The following ESYT3 variants were observed in gnomAD, a reference collection of about 807,000 sequenced individuals.
The protein encoded by ESYT3 is extended synaptotagmin-3.
Under a neutral mutation model 111.5 loss-of-function variants are expected in ESYT3, and 101 were observed. The observed-to-expected ratio is 0.91, with a 90% CI of 0.77 to 1.07. The LOEUF (loss-of-function observed/expected upper bound fraction) is 1.07. ESYT3 is among the 50% of genes least tolerant of loss of function. The pLI is 0.00. For missense variants in ESYT3, 1,097 were observed against 1,109.4 expected (o/e 0.99, Z 0.16); for synonymous variants, 416 against 446.8 (o/e 0.93, Z 0.87).
At chr3:138,457,720 AG>A in intron 4 of ESYT3, 76 bp downstream of exon 4, 1 of 1,349,278 alleles carries the variant, frequency 7.4e-7, no homozygotes, top group Non-Finnish European at 1.1e-6. Context: ...AAGATGGAGT[AG>A]TATATATATA....
intron 10 of ESYT3, among the ~76,000 whole-genome samples, chr3:138,466,933 T>C (rs570273620): frequency 3.3e-5 from 5 of 152,142 alleles, no homozygotes; most frequent in African/African-American, 1.2e-4. Flanking sequence ...ATGAGCTCAT[T>C]ACTGTGGGGA....
chr3:138,450,172 G>C (rs1246165824), intron 1 of ESYT3, among the ~76,000 whole-genome samples: 1 of 152,224 alleles, frequency 6.6e-6, no homozygotes, highest in African/African-American at 2.4e-5. Flanking sequence ...AAAAGGTAAA[G>C]GTGGTTGGAT....
At chr3:138,472,294 C>A in intron 17 of ESYT3, 69 bp from the exon 18 acceptor site, 2 of 1,552,126 alleles carry the variant, frequency 1.3e-6, no homozygotes, top group Non-Finnish European at 1.7e-6. Context: ...AAAGGGGGAA[C>A]GGGAAACAAT....
intron 1 of ESYT3, among the ~76,000 whole-genome samples, chr3:138,442,574 A>G (rs1308343065): frequency 7.9e-5 from 12 of 152,158 alleles, no homozygotes; most frequent in Non-Finnish European, 1.5e-4. Context: ...ACTCTTGTCC[A>G]TGGGCTCCTA....
intron 2 of ESYT3, among the ~76,000 whole-genome samples, chr3:138,454,449 T>C (rs1285309939): frequency 6.6e-6 from 1 of 151,676 alleles, no homozygotes; most frequent in African/African-American, 2.4e-5. Context: ...TCTCAGCTAC[T>C]TGGGAGGCTG....
At position 138,470,925 on chromosome 3, in the gene ESYT3, CT is replaced by C; in HGVS notation, c.1640del (p.Leu547ArgfsTer29). ...TGCTCTGGGAATGCTGGAGGTCCCC[CT>C]GTGCCAGATCCTCCCCTATGCTGAC... The part of the protein sequence containing the change: ...ECALGMLEVP[L>X]CQILPYADLT... On this transcript the variant is annotated frameshift_variant, in exon 17 of 23. Coordinates refer to ENST00000389567, the MANE Select transcript of ESYT3 (RefSeq NM_031913.5). LOFTEE classifies it high-confidence loss of function. The C allele has an allele frequency of 6.2e-7, 1 of 1,614,156 alleles. No individual in the cohort carries two copies. The highest frequency in any genetic ancestry group is 8.5e-7 in the Non-Finnish European group (1 of 1,180,028).
chr3:138,472,988 A>G, intron 18 of ESYT3, 129 bp downstream of exon 18: 1 of 1,506,522 alleles, frequency 6.6e-7, no homozygotes, highest in Non-Finnish European at 8.8e-7. Flanking sequence ...CCTAAGAGGC[A>G]GCATGGTGTG....
rs375698519 is a variant in ESYT3 at position 138,465,455 on chromosome 3, C to T, written c.1169+34C>T. 4.0e-4 allele frequency: 609 copies of T among 1,534,916 alleles called. 7 individuals carry two copies. The South Asian group carries it at 6.8e-3, about 17-fold the overall frequency. On this transcript the variant is annotated intron_variant, in intron 10 of 22. Transcript: ENST00000389567. ...GAGGGCGCACAGCTGGGCCTGGAGG[C>T]AGCCTTCCCTCCCTGCGGGGTGCTG...
At chr3:138,447,988 C>G (rs2031655730) in intron 1 of ESYT3, among the ~76,000 whole-genome samples, 1 of 151,836 alleles carries the variant, frequency 6.6e-6, no homozygotes, top group Non-Finnish European at 1.5e-5. Context: ...GAATCGGCGG[C>G]CGGGTGTGGT....
At chr3:138,437,382 G>A (rs2030793176) in intron 1 of ESYT3, among the ~76,000 whole-genome samples, 1 of 152,212 alleles carries the variant, frequency 6.6e-6, no homozygotes, top group South Asian at 2.1e-4. Context: ...AGACTCGCCT[G>A]GCTGGCTTGT....
chr3:138,447,118 TAAATC>T (rs2031597265), intron 1 of ESYT3, among the ~76,000 whole-genome samples: 1 of 152,340 alleles, frequency 6.6e-6, no homozygotes, highest in Admixed American at 6.5e-5. Flanking sequence ...AGGAAGTAGA[TAAATC>T]AACAGTTGTG....
intron 22 of ESYT3, 29 bp downstream of exon 22, chr3:138,476,521 T>C (rs1440171552): frequency 1.2e-6 from 2 of 1,608,100 alleles, no homozygotes; most frequent in South Asian, 2.2e-5. Context: ...TTTATCACTG[T>C]TATCCTGCTA....
rs1248624601 is a variant in ESYT3, at chr3:138,470,089, G to A, written c.1533G>A (p.Trp511Ter). The change falls in exon 16 of 23, where the codon TGG becomes TGA. Residue 511 changes from tryptophan to a stop codon, truncating the protein, a stop_gained. Transcript: ENST00000389567. LOFTEE classifies it high-confidence loss of function. ...KTCPHNKDPV[W>*]SQVFSFFVHN... is the part of the protein sequence containing the mutation. Reference sequence around the variant, plus strand: ...GTCCCCACAACAAGGACCCTGTGTGGAGCCAGGTGTTCTCCTTCTTTGTGC... The same window carrying A: ...GTCCCCACAACAAGGACCCTGTGTGAAGCCAGGTGTTCTCCTTCTTTGTGC... The A allele has an allele frequency of 6.2e-7, 1 of 1,613,210 alleles. No individual in the cohort carries two copies. Among genetic ancestry groups the A allele is most frequent in the African/African-American group, 1.3e-5 (1 of 75,024 alleles).
At chr3:138,452,410 C>T (rs2032003230) in intron 2 of ESYT3, among the ~76,000 whole-genome samples, 1 of 152,208 alleles carries the variant, frequency 6.6e-6, no homozygotes, top group Non-Finnish European at 1.5e-5. Context: ...AGCTTCTGGA[C>T]ACTGCCTGGT....
intron 1 of ESYT3, among the ~76,000 whole-genome samples, chr3:138,444,929 C>A (rs1190431295): frequency 6.6e-6 from 1 of 152,208 alleles, no homozygotes; most frequent in Admixed American, 6.5e-5. Context: ...GAGCCACCTT[C>A]TTCCAGGGCC....
intron 2 of ESYT3, among the ~76,000 whole-genome samples, chr3:138,454,559 GA>G (rs1560222646): frequency 6.6e-6 from 1 of 152,152 alleles, no homozygotes; most frequent in Admixed American, 6.5e-5. Context: ...CTCCGTTTGA[GA>G]AAAAAGAAAA....
intron 16 of ESYT3, 53 bp downstream of exon 16, chr3:138,470,199 C>G: frequency 6.4e-7 from 1 of 1,574,342 alleles, no homozygotes; most frequent in Non-Finnish European, 8.7e-7. Flanking sequence ...TTAAGCCAGG[C>G]GGGCTGGGAA....
chr3:138,436,611 G>A (rs1467494018), intron 1 of ESYT3, among the ~76,000 whole-genome samples: 1 of 152,176 alleles, frequency 6.6e-6, no homozygotes, highest in Non-Finnish European at 1.5e-5. Flanking sequence ...ACTTTTCTAC[G>A]GTAGTAGCCA....
rs534121839 is a variant in ESYT3, at chr3:138,452,816, G to GC, written c.369+730dup. Among the ~76,000 whole-genome samples the GC allele has an allele frequency of 2.6e-3, 397 of 152,334 alleles. 1 individual carries two copies. Among genetic ancestry groups the GC allele is most frequent in the Non-Finnish European group, 4.2e-3 (285 of 68,022 alleles). Reference sequence around the variant, plus strand: ...AACCTTGCCTCTGGGAGGAGGCTTAGCCCGTAGCAGGAATGACTTAGGTTA... The same window carrying GC: ...AACCTTGCCTCTGGGAGGAGGCTTAGCCCCGTAGCAGGAATGACTTAGGTTA... On this transcript the variant is annotated intron_variant, in intron 2 of 22. Transcript: ENST00000389567.
Sources: gnomAD v4.1 joint callset for allele counts (sites outside exome capture counted in the v4.1 genomes callset) on GRCh38, gnomAD v4.1.1 for gene constraint, MANE v1.5 for transcripts, NCBI Gene and HGNC (gene_info 2026-07-23, HGNC 2026-07-21) for gene names.